Variants in ATAD3A observed in about 807,000 individuals in gnomAD.
ATAD3A encodes the protein ATPase family AAA domain-containing protein 3A.
In ATAD3A, 46 loss-of-function variants were observed where a neutral mutation model predicts 73.8. The ratio of observed to expected loss-of-function variants is 0.62; its 90% CI spans 0.49 to 0.80. The LOEUF is 0.80. Among genes scored for constraint, ATAD3A ranks in the 30% least tolerant of loss-of-function variants. The pLI is 0.00. For synonymous variants in ATAD3A, 319 were observed against 350.0 expected, an observed-to-expected ratio of 0.91 and a Z score of 0.99; for missense variants, 705 against 838.0, an observed-to-expected ratio of 0.84 and a Z score of 1.96.
In ATAD3A at chr1:1,529,290, A is replaced by G. The variant is rs772299763; in HGVS notation, c.1573A>G (p.Met525Val). The G allele has an allele frequency of 8.1e-6, 13 of 1,606,452 alleles. No homozygotes were observed. In the South Asian group the frequency reaches 1.0e-4, roughly 12 times the overall value. The part of the protein sequence containing the change: ...CSEVARLTEG[M>V]SGREIAQLAV... ...GGAGGTCGCTCGGCTGACGGAGGGC[A>G]TGTCGGGCCGGGAGATCGCTCAGCT... Residue 525 changes from methionine (M) to valine (V), a missense_variant, in exon 15 of 16, where the codon ATG becomes GTG. Coordinates refer to ENST00000378756, the MANE Select transcript of ATAD3A (RefSeq NM_001170535.3).
intron 4 of ATAD3A, among the ~76,000 whole-genome samples, chr1:1,518,410 C>T (rs1475582617): frequency 1.3e-5 from 2 of 148,156 alleles, no homozygotes; most frequent in Admixed American, 6.7e-5. Flanking sequence ...CATGCCCCCC[C>T]ATAGACGGAC....
At chr1:1,513,522 T>G (rs1641264130) in intron 1 of ATAD3A, among the ~76,000 whole-genome samples, 1 of 151,678 alleles carries the variant, frequency 6.6e-6, no homozygotes, top group South Asian at 2.1e-4. Context: ...GTCTGCCCTC[T>G]CTGTGGTGGA....
chr1:1,512,247 T>A lies in ATAD3A; in HGVS notation c.-22T>A, dbSNP rs1274389321. The A allele has an allele frequency of 6.3e-6, 8 of 1,274,070 alleles. No individual in the cohort carries two copies. The highest frequency in any genetic ancestry group is 8.0e-6 in the Non-Finnish European group (8 of 1,005,200). The allele number at this position is 1,274,070 out of a possible 1,614,324, so 78.9% of individuals were successfully genotyped here. ...ACTCGGGTGGGGGTCCCGGCGGCGG[T>A]AGCGGCGGCGGCGGTGCGAGCATGT... On this transcript the variant is annotated 5_prime_UTR_variant, in exon 1 of 16. Transcript: ENST00000378756.
chr1:1,530,815 C>T (rs1469680082), intron 15 of ATAD3A, among the ~76,000 whole-genome samples: 6 of 89,480 alleles, frequency 6.7e-5, no homozygotes, highest in Admixed American at 1.6e-4. Context: ...GGCGACAGAG[C>T]GAGACTCCGT....
chr1:1,532,713 G>C (rs1188760365), intron 15 of ATAD3A, among the ~76,000 whole-genome samples: 1 of 152,188 alleles, frequency 6.6e-6, no homozygotes, highest in East Asian at 1.9e-4. Flanking sequence ...GGACCCTGAG[G>C]GTCCCTGCAC....
intron 14 of ATAD3A, 62 bp downstream of exon 14, chr1:1,527,924 A>C: frequency 6.6e-7 from 1 of 1,518,560 alleles, no homozygotes; most frequent in African/African-American, 1.4e-5. Context: ...ACCCCGACCC[A>C]CAGTCCACCA....
At chr1:1,515,056 G>T (rs2100643622) in intron 1 of ATAD3A, among the ~76,000 whole-genome samples, 1 of 152,170 alleles carries the variant, frequency 6.6e-6, no homozygotes, top group East Asian at 1.9e-4. Flanking sequence ...TGTCTTTTTA[G>T]TGGAGACAGG....
chr1:1,519,939 G>A (rs1362088945), intron 5 of ATAD3A, among the ~76,000 whole-genome samples: 2 of 152,092 alleles, frequency 1.3e-5, no homozygotes, highest in Non-Finnish European at 2.9e-5. Flanking sequence ...GGGCCTGTCT[G>A]TGGCGTGGGC....
At chr1:1,529,392 T>C in intron 15 of ATAD3A, 61 bp downstream of exon 15, 1 of 1,513,156 alleles carries the variant, frequency 6.6e-7, no homozygotes, top group Admixed American at 2.1e-5. Context: ...AGATGCTCAG[T>C]TGCGCCAGGC....
chr1:1,516,736 TAGAC>T (rs1641371058), intron 2 of ATAD3A, among the ~76,000 whole-genome samples: 1 of 151,944 alleles, frequency 6.6e-6, no homozygotes, highest in Non-Finnish European at 1.5e-5. Context: ...TATTTTTTTA[TAGAC>T]AGAGTCTTAG....
chr1:1,529,109 C>A, intron 14 of ATAD3A, 114 bp from the exon 15 acceptor site: 1 of 1,479,420 alleles, frequency 6.8e-7, no homozygotes, highest in East Asian at 2.4e-5. Flanking sequence ...GTAGAGAGCC[C>A]CTCCAAAGAG....
chr1:1,523,824 C>G lies in ATAD3A; in HGVS notation c.964-15C>G, dbSNP rs373633598. 2 of 1,613,794 alleles carry G rather than the reference C, an allele frequency of 1.2e-6. No individual in the cohort carries two copies. Among genetic ancestry groups the G allele is most frequent in the South Asian group, 2.2e-5 (2 of 91,080 alleles). On this transcript the variant is annotated splice_polypyrimidine_tract_variant and intron_variant, in intron 9 of 15. Transcript: ENST00000378756. This position sits in a 1 kb window ranked among gnomAD's most constrained non-coding sequence, Gnocchi z 5.1. Reference sequence around the variant, plus strand: ...GTGCACAGTGTCTCCTCCAAACCCCCGTCTTCCCCGGCAGCCCAGCCTGGA... The same window carrying G: ...GTGCACAGTGTCTCCTCCAAACCCCGGTCTTCCCCGGCAGCCCAGCCTGGA...
intron 4 of ATAD3A, among the ~76,000 whole-genome samples, chr1:1,518,621 A>ACTC (rs1553125091): frequency 8.4e-4 from 32 of 38,082 alleles, no homozygotes; most frequent in Middle Eastern, 0.029. Flanking sequence ...GGGCGTACAC[A>ACTC]CCCCCCCCCA....
chr1:1,512,507 C>CG (rs1641231152), intron 1 of ATAD3A, 34 bp downstream of exon 1: 1 of 210,634 alleles, frequency 4.7e-6, no homozygotes, highest in South Asian at 7.0e-5. Flanking sequence ...CGCGGGCGGG[C>CG]GGGCGGGACG....
At position 1,523,747 on chromosome 1, in the gene ATAD3A, C is replaced by A; in HGVS notation, c.964-92C>A. 1 of 1,596,014 alleles carries A rather than the reference C, an allele frequency of 6.3e-7. No homozygotes were observed. The highest frequency in any genetic ancestry group is 1.1e-5 in the South Asian group (1 of 88,954). On this transcript the variant is annotated intron_variant, in intron 9 of 15. Coordinates refer to ENST00000378756, the MANE Select transcript of ATAD3A (RefSeq NM_001170535.3). This position sits in a 1 kb window ranked among gnomAD's most constrained non-coding sequence, Gnocchi z 5.1. ...CTGAGGTGGGAGGCTTCCCGAGGAGCCGAGTCTGCACCCAGGCATTCCCGC... is the reference window on the plus strand; with the variant it reads ...CTGAGGTGGGAGGCTTCCCGAGGAGACGAGTCTGCACCCAGGCATTCCCGC...
chr1:1,527,826 A>C lies in ATAD3A; in HGVS notation c.1469A>C (p.Asp490Ala). The change falls in exon 14 of 16, where the codon GAC becomes GCC. Residue 490 changes from aspartate to alanine, a missense_variant. Around this residue, in one of 5 missense-constraint regions of ATAD3A, gnomAD observed 252 missense variants for 278.5 expected, o/e 0.90. Transcript: ENST00000378756. Reference protein sequence around the residue: ...ERERLVRMYFDKYVLKPATEG... With the variant: ...ERERLVRMYFAKYVLKPATEG... ...GAGCGCCTGGTGAGAATGTATTTTG[A>C]CAAGTATGTTCTTAAGCCGGCCACA... 1 of 1,613,858 alleles carries C rather than the reference A, an allele frequency of 6.2e-7. No homozygotes were observed. The highest frequency in any genetic ancestry group is 8.5e-7 in the Non-Finnish European group (1 of 1,179,946).
intron 4 of ATAD3A, among the ~76,000 whole-genome samples, 175 bp downstream of exon 4, chr1:1,517,950 C>G (rs1641418172): frequency 6.6e-6 from 1 of 151,928 alleles, no homozygotes; most frequent in African/African-American, 2.4e-5. Flanking sequence ...TACAGGCACA[C>G]ATGCAGACGT....
intron 15 of ATAD3A, among the ~76,000 whole-genome samples, chr1:1,531,451 AAAAACG>A (rs992075935): frequency 6.6e-6 from 1 of 151,050 alleles, no homozygotes; most frequent in Non-Finnish European, 1.5e-5. Context: ...CTCCATCCCA[AAAAACG>A]AAAACGAAAA....
chr1:1,529,128 G>A, intron 14 of ATAD3A, 95 bp from the exon 15 acceptor site: 1 of 1,536,790 alleles, frequency 6.5e-7, no homozygotes. Flanking sequence ...AGGATGTTTG[G>A]CGTGGGTGTC....
Sources: allele counts gnomAD v4.1 joint callset (sites outside exome capture counted in the v4.1 genomes callset), GRCh38; gene constraint gnomAD v4.1.1; regional missense constraint gnomAD v4.1.1; non-coding constraint Gnocchi (gnomAD v3.1); transcripts MANE v1.5; gene names NCBI Gene and HGNC (gene_info 2026-07-23, HGNC 2026-07-21).